Variants in KSR2 observed in about 807,000 individuals in gnomAD.
KSR2 encodes kinase suppressor of ras 2.
Under a neutral mutation model 107.8 loss-of-function variants are expected in KSR2, and 25 were observed. The ratio of observed to expected loss-of-function variants is 0.23; its 90% confidence interval spans 0.17 to 0.32. KSR2 has a LOEUF of 0.32. KSR2 is among the 10% of genes least tolerant of loss of function. The pLI is 1.00. For synonymous variants in KSR2, 480 were observed against 507.0 expected (o/e 0.95, Z 0.71); for missense variants, 887 against 1,268.9 (o/e 0.70, Z 4.57).
Position 117,861,452 on chromosome 12 carries a change from G to C in KSR2, c.181-1021C>G, listed in dbSNP as rs558329374. Among the ~76,000 whole-genome samples, 157 of 131,328 alleles carry C rather than the reference G, an allele frequency of 1.2e-3. 5 individuals are homozygous for C. In the East Asian group the frequency reaches 0.013, roughly 11 times the overall value. 86.2% of individuals were successfully genotyped at this position (131,328 alleles called of 152,430 possible). ...CGCCCAGGCTGGAGTGCAGTGGCGT[G>C]ATCTCGGCTCACTGCAAGCTCCGCC... On this transcript the variant is annotated intron_variant, in intron 1 of 19. Coordinates refer to ENST00000339824, the MANE Select transcript of KSR2 (RefSeq NM_173598.6).
chr12:117,873,213 C>T (rs528037894), intron 1 of KSR2, among the ~76,000 whole-genome samples: 11 of 151,948 alleles, frequency 7.2e-5, no homozygotes, highest in African/African-American at 2.2e-4. Context: ...GGCATGGTGG[C>T]GCATGCCTGT....
intron 3 of KSR2, among the ~76,000 whole-genome samples, chr12:117,836,042 T>C (rs1455729809): frequency 6.6e-6 from 1 of 152,170 alleles, no homozygotes; most frequent in African/African-American, 2.4e-5. Flanking sequence ...TGCCCACTCT[T>C]GGGGAGTAAA....
intron 14 of KSR2, among the ~76,000 whole-genome samples, chr12:117,515,489 C>G (rs1223055255): frequency 6.6e-6 from 1 of 151,982 alleles, no homozygotes; most frequent in Non-Finnish European, 1.5e-5. Flanking sequence ...GCTGGGGATA[C>G]AGAGGTGAGT....
chr12:117,938,178 C>T (rs186270289), intron 1 of KSR2, among the ~76,000 whole-genome samples: 120 of 152,244 alleles, frequency 7.9e-4, no homozygotes, highest in African/African-American at 2.8e-3. Flanking sequence ...AGATCCACGA[C>T]GTGAAGGCAT....
At chr12:117,725,521 T>C (rs544464854) in intron 4 of KSR2, among the ~76,000 whole-genome samples, 21 of 152,336 alleles carry the variant, frequency 1.4e-4, no homozygotes, top group African/African-American at 4.3e-4. Flanking sequence ...TTACATCATA[T>C]GCAAAAATTA....
intron 1 of KSR2, among the ~76,000 whole-genome samples, chr12:117,866,366 G>A (rs1893471464): frequency 6.6e-6 from 1 of 152,090 alleles, no homozygotes; most frequent in Non-Finnish European, 1.5e-5. Context: ...CGGAGCACAG[G>A]ACACAGTCTC....
intron 1 of KSR2, among the ~76,000 whole-genome samples, chr12:117,909,705 C>G (rs372588685): frequency 6.6e-6 from 1 of 151,562 alleles, no homozygotes. Context: ...GAGTTCAAGA[C>G]CAGCCTGGCC....
chr12:117,719,048 T>C (rs1887107964), intron 4 of KSR2, among the ~76,000 whole-genome samples: 1 of 152,236 alleles, frequency 6.6e-6, no homozygotes, highest in African/African-American at 2.4e-5. Flanking sequence ...AATTTTACTA[T>C]GCAAAGCTAT....
In KSR2 at chr12:117,464,824, C is replaced by G. The variant is rs1446783046; in HGVS notation, c.*2375G>C. ...CTGTTCCACAAAGGGCTGGGTTTTCCCCTGGATCACTCAGGCCCTGTCCTT... is the reference window on the plus strand; with the variant it reads ...CTGTTCCACAAAGGGCTGGGTTTTCGCCTGGATCACTCAGGCCCTGTCCTT... On this transcript the variant is annotated 3_prime_UTR_variant, in exon 20 of 20. Coordinates refer to ENST00000339824, the MANE Select transcript of KSR2 (RefSeq NM_173598.6). 5 of 152,212 alleles carry G rather than the reference C, an allele frequency of 3.3e-5. No homozygotes were observed. The highest frequency in any genetic ancestry group is 5.9e-5 in the Non-Finnish European group (4 of 68,068). The allele number at this position is 152,212 out of a possible 1,614,324, so 9.4% of individuals were successfully genotyped here.
At chr12:117,518,092 T>C (rs760595204) in intron 14 of KSR2, among the ~76,000 whole-genome samples, 24 of 152,206 alleles carry the variant, frequency 1.6e-4, no homozygotes, top group Non-Finnish European at 2.8e-4. Context: ...TGAGGCCCCA[T>C]GGGATTTCAT....
chr12:117,913,963 G>A (rs751505753), intron 1 of KSR2, among the ~76,000 whole-genome samples: 42 of 152,134 alleles, frequency 2.8e-4, no homozygotes, highest in Non-Finnish European at 5.4e-4. Flanking sequence ...TTCTCTGTCC[G>A]TCCCTTCACT....
intron 15 of KSR2, among the ~76,000 whole-genome samples, chr12:117,485,200 A>G (rs1872395263): frequency 4.6e-5 from 7 of 152,192 alleles, no homozygotes; most frequent in Admixed American, 4.6e-4. Context: ...TTTAATCCAA[A>G]ACAACACCCA....
chr12:117,957,175 C>T (rs1896540943), intron 1 of KSR2, among the ~76,000 whole-genome samples: 1 of 152,150 alleles, frequency 6.6e-6, no homozygotes, highest in Non-Finnish European at 1.5e-5. Context: ...CAGGAGATTT[C>T]ACCTTTGGGG....
chr12:117,514,755 C>T (rs1387561622), intron 14 of KSR2, among the ~76,000 whole-genome samples: 2 of 151,996 alleles, frequency 1.3e-5, no homozygotes, highest in East Asian at 3.9e-4. Flanking sequence ...CCTGTGCTGC[C>T]CAGGCTGGTC....
chr12:117,582,151 G>C, intron 6 of KSR2, 139 bp downstream of exon 6: 1 of 657,054 alleles, frequency 1.5e-6, no homozygotes, highest in Non-Finnish European at 2.7e-6. Context: ...GTTTAGCCGA[G>C]CAGAGGAGAA....
chr12:117,804,136 G>A (rs1437483489), intron 3 of KSR2, among the ~76,000 whole-genome samples: 1 of 152,224 alleles, frequency 6.6e-6, no homozygotes, highest in East Asian at 1.9e-4. Context: ...TCTGCCTCCC[G>A]GGTTCTAAGT....
At chr12:117,960,754 G>T (rs540624999) in intron 1 of KSR2, among the ~76,000 whole-genome samples, 1 of 151,840 alleles carries the variant, frequency 6.6e-6, no homozygotes, top group South Asian at 2.1e-4. Flanking sequence ...CTTATCATTA[G>T]CTGTGGCAGA....
At chr12:117,960,885 T>C (rs112106571) in intron 1 of KSR2, among the ~76,000 whole-genome samples, 19,344 of 150,964 alleles carry the variant, frequency 0.13, 1,791 homozygotes, top group African/African-American at 0.26. Flanking sequence ...CTGCAACCTC[T>C]GCCTTCCAGT....
At chr12:117,540,499 T>G (rs1188716776) in intron 9 of KSR2, among the ~76,000 whole-genome samples, 6 of 152,198 alleles carry the variant, frequency 3.9e-5, no homozygotes, top group African/African-American at 1.4e-4. Flanking sequence ...CTGAATCTGA[T>G]CATATTTAAA....
Sources: gnomAD v4.1 joint callset for allele counts (sites outside exome capture counted in the v4.1 genomes callset) on GRCh38, gnomAD v4.1.1 for gene constraint, MANE v1.5 for transcripts, NCBI Gene and HGNC (gene_info 2026-07-23, HGNC 2026-07-21) for gene names.